Variants in CTNNA3 observed in about 807,000 individuals in gnomAD.
CTNNA3 encodes the protein catenin alpha-3.
A neutral mutation model predicts 95.7 loss-of-function variants in CTNNA3; 76 were observed. The observed-to-expected ratio is 0.79, with a 90% CI of 0.66 to 0.96. CTNNA3 has a LOEUF of 0.96. Ranked by LOEUF, CTNNA3 falls within the 40% of genes least tolerant of loss-of-function variation. The pLI is 0.00. For missense variants in CTNNA3, 1,191 were observed against 1,089.8 expected, an observed-to-expected ratio of 1.09 and a Z score of -1.31; for synonymous variants, 431 against 374.4, an observed-to-expected ratio of 1.15 and a Z score of -1.74.
At chr10:66,827,279 T>C (rs1842549672) in intron 7 of CTNNA3, among the ~76,000 whole-genome samples, 1 of 152,208 alleles carries the variant, frequency 6.6e-6, no homozygotes, top group South Asian at 2.1e-4. Flanking sequence ...TGCTGCTTCA[T>C]CAAACACCAA....
At chr10:67,073,413 C>A (rs1470169308) in intron 7 of CTNNA3, among the ~76,000 whole-genome samples, 1 of 151,694 alleles carries the variant, frequency 6.6e-6, no homozygotes, top group East Asian at 1.9e-4. Flanking sequence ...TATGTTTTTC[C>A]TTCAGTCTAA....
chr10:66,611,353 A>C (rs1236902966), intron 10 of CTNNA3, among the ~76,000 whole-genome samples: 1 of 152,140 alleles, frequency 6.6e-6, no homozygotes, highest in Non-Finnish European at 1.5e-5. Context: ...TGATTTGATT[A>C]TTACATATTG....
intron 9 of CTNNA3, among the ~76,000 whole-genome samples, chr10:66,703,628 T>C (rs1848024878): frequency 6.6e-6 from 1 of 152,216 alleles, no homozygotes; most frequent in Non-Finnish European, 1.5e-5. Context: ...AATAGTGGAC[T>C]GCTGAGAAAT....
At chr10:67,119,825 G>A (rs369569854) in intron 7 of CTNNA3, among the ~76,000 whole-genome samples, 2 of 151,760 alleles carry the variant, frequency 1.3e-5, no homozygotes, top group Admixed American at 6.6e-5. Context: ...GTGACACATC[G>A]TATTTATTTT....
intron 13 of CTNNA3, among the ~76,000 whole-genome samples, chr10:66,185,158 C>T (rs932432119): frequency 1.3e-5 from 2 of 152,070 alleles, no homozygotes; most frequent in Non-Finnish European, 1.5e-5. Context: ...AAGTTAGAAA[C>T]AATGTACTAA....
At chr10:67,229,182 G>A (rs1865072681) in intron 5 of CTNNA3, among the ~76,000 whole-genome samples, 1 of 152,180 alleles carries the variant, frequency 6.6e-6, no homozygotes, top group South Asian at 2.1e-4. Flanking sequence ...GTCAATAAAT[G>A]TGATACACCA....
At chr10:67,682,664 A>G (rs1840650203) in intron 1 of CTNNA3, among the ~76,000 whole-genome samples, 1 of 152,340 alleles carries the variant, frequency 6.6e-6, no homozygotes, top group Non-Finnish European at 1.5e-5. Flanking sequence ...TTCCAATTAA[A>G]TGTAATACTT....
chr10:67,745,523 G>T (rs1369232326), intron 1 of CTNNA3, among the ~76,000 whole-genome samples: 2 of 127,180 alleles, frequency 1.6e-5, no homozygotes, highest in Non-Finnish European at 3.3e-5. Context: ...GTGGGGGGGA[G>T]GGGGGAGGGA....
intron 7 of CTNNA3, among the ~76,000 whole-genome samples, chr10:67,134,344 T>A (rs891268876): frequency 6.6e-6 from 1 of 152,078 alleles, no homozygotes; most frequent in African/African-American, 2.4e-5. Context: ...GACTGATAAA[T>A]GGAGTATCCC....
intron 2 of CTNNA3, among the ~76,000 whole-genome samples, chr10:67,638,219 CT>C (rs1324949758): frequency 3.3e-5 from 5 of 152,170 alleles, no homozygotes; most frequent in Non-Finnish European, 5.9e-5. Context: ...CAATCCTAGT[CT>C]CTGATAAGAC....
intron 5 of CTNNA3, among the ~76,000 whole-genome samples, chr10:67,391,237 C>G (rs1469767194): frequency 2.0e-5 from 3 of 151,956 alleles, no homozygotes; most frequent in Non-Finnish European, 4.4e-5. Flanking sequence ...GTACAAAAAT[C>G]ACAAGCATTC....
At chr10:67,340,248 ATG>A (rs1842137183) in intron 5 of CTNNA3, among the ~76,000 whole-genome samples, 1 of 152,248 alleles carries the variant, frequency 6.6e-6, no homozygotes, top group South Asian at 2.1e-4. Context: ...ATTTAAAATT[ATG>A]TTTAAATAAT....
chr10:67,638,393 C>T (rs1839401838), intron 2 of CTNNA3, among the ~76,000 whole-genome samples: 1 of 152,096 alleles, frequency 6.6e-6, no homozygotes, highest in Non-Finnish European at 1.5e-5. Context: ...GACTTAGACT[C>T]CCACACAATA....
chr10:66,422,231 T>C (rs2093202127), intron 11 of CTNNA3, among the ~76,000 whole-genome samples: 1 of 152,138 alleles, frequency 6.6e-6, no homozygotes, highest in Non-Finnish European at 1.5e-5. Context: ...TTAATGCTGA[T>C]CACAAATTGC....
intron 7 of CTNNA3, among the ~76,000 whole-genome samples, chr10:67,116,599 A>G (rs1263233944): frequency 6.6e-6 from 1 of 151,602 alleles, no homozygotes; most frequent in Non-Finnish European, 1.5e-5. Flanking sequence ...AGCAAGTGAT[A>G]TTAGATAAAG....
intron 7 of CTNNA3, among the ~76,000 whole-genome samples, chr10:66,913,266 G>A (rs12264002): frequency 0.062 from 4,272 of 69,388 alleles, 87 homozygotes; most frequent in African/African-American, 0.11. Flanking sequence ...AAAAAAAAAA[G>A]AAAAAGAAAA....
chr10:67,163,410 T>G (rs1282641491), intron 7 of CTNNA3, among the ~76,000 whole-genome samples: 1 of 151,920 alleles, frequency 6.6e-6, no homozygotes, highest in Non-Finnish European at 1.5e-5. Flanking sequence ...TCTGACAAAA[T>G]TCAACACCCA....
intron 7 of CTNNA3, among the ~76,000 whole-genome samples, chr10:66,778,891 G>T (rs1056355102): frequency 6.6e-6 from 1 of 152,070 alleles, no homozygotes; most frequent in African/African-American, 2.4e-5. Context: ...CAGGAGAATT[G>T]CTTGAACCCA....
intron 7 of CTNNA3, among the ~76,000 whole-genome samples, chr10:66,858,316 G>T (rs1843762966): frequency 6.6e-6 from 1 of 151,932 alleles, no homozygotes; most frequent in Non-Finnish European, 1.5e-5. Flanking sequence ...GTATTTTGTT[G>T]AAGATTTTTG....
Sources: allele counts gnomAD v4.1 joint callset (sites outside exome capture counted in the v4.1 genomes callset), GRCh38; gene constraint gnomAD v4.1.1; transcripts MANE v1.5; gene names NCBI Gene and HGNC (gene_info 2026-07-23, HGNC 2026-07-21).